DCAF4: variants seen among roughly 807,000 people sequenced by gnomAD.
DCAF4 encodes DDB1 and CUL4 associated factor 4.
DCAF4 carries 37 observed loss-of-function variants against 60.9 expected under a neutral mutation model. The observed-to-expected ratio is 0.61, with a 90% CI of 0.47 to 0.80. The LOEUF (loss-of-function observed/expected upper bound fraction) is 0.80, where lower values mean the gene tolerates loss of function less well. DCAF4 is among the 30% of genes least tolerant of loss of function. The pLI is 0.00. For synonymous variants in DCAF4, 243 were observed against 254.8 expected, an observed-to-expected ratio of 0.95 and a Z score of 0.44; for missense variants, 577 against 650.0, an observed-to-expected ratio of 0.89 and a Z score of 1.22.
At chr14:72,953,430 C>T (rs897259336) in intron 9 of DCAF4, among the ~76,000 whole-genome samples, 2 of 151,588 alleles carry the variant, frequency 1.3e-5, no homozygotes, top group African/African-American at 4.8e-5. Flanking sequence ...AATATTTTTT[C>T]GAAGCACAGT....
intron 7 of DCAF4, among the ~76,000 whole-genome samples, chr14:72,946,869 C>T (rs931949325): frequency 6.6e-6 from 1 of 152,124 alleles, no homozygotes; most frequent in Non-Finnish European, 1.5e-5. Context: ...CTTCAGAGTT[C>T]GGCTTATCTC....
intron 7 of DCAF4, among the ~76,000 whole-genome samples, chr14:72,946,682 C>T (rs768708466): frequency 6.6e-6 from 1 of 152,126 alleles, no homozygotes; most frequent in East Asian, 1.9e-4. Context: ...CCAGCCAGGC[C>T]GCAGCCAGCA....
rs565229070 is a variant in DCAF4 at position 72,928,187 on chromosome 14, CTTT to C, written c.-9+1665_-9+1667del. Among the ~76,000 whole-genome samples, 48 of 67,274 alleles carry C rather than the reference CTTT, an allele frequency of 7.1e-4. 1 individual carries two copies. In the East Asian group the frequency reaches 0.014, roughly 20 times the overall value. 44.1% of individuals were successfully genotyped at this position (67,274 alleles called of 152,430 possible). On this transcript the variant is annotated intron_variant, in intron 1 of 13. Transcript: ENST00000358377. ...CCCGCTAGTCTACAGAATCCCCCCACTTTTTTTTTTTTTTTTTTTTTTTGATAC... is the reference window on the plus strand; with the variant it reads ...CCCGCTAGTCTACAGAATCCCCCCACTTTTTTTTTTTTTTTTTTTTGATAC...
At chr14:72,927,586 C>G (rs1177650520) in intron 1 of DCAF4, among the ~76,000 whole-genome samples, 2 of 151,944 alleles carry the variant, frequency 1.3e-5, no homozygotes, top group African/African-American at 2.4e-5. Flanking sequence ...CTCCTGACCT[C>G]GTGATCCGCC....
rs1214228252 is a variant in DCAF4, at chr14:72,959,414, T to C, written c.*609T>C. The C allele has an allele frequency of 2.0e-6, 2 of 985,362 alleles. No individual in the cohort carries two copies. Among genetic ancestry groups the C allele is most frequent in the Non-Finnish European group, 2.4e-6 (2 of 829,968 alleles). 61.0% of individuals were successfully genotyped at this position (985,362 alleles called of 1,614,324 possible). ...CGTTGGAAGGAAAGATGGATCTTCT[T>C]ACATGCTAGAAGTTTTAAACGGTCC... On this transcript the variant is annotated 3_prime_UTR_variant, in exon 14 of 14. Transcript: ENST00000358377.
intron 9 of DCAF4, among the ~76,000 whole-genome samples, chr14:72,953,738 T>A (rs1484925677): frequency 0.18 from 6,105 of 34,422 alleles, 1,692 homozygotes; most frequent in Non-Finnish European, 0.25. Flanking sequence ...AAAAAATATA[T>A]ATATATATAT....
In DCAF4 at chr14:72,941,725, C is replaced by A. The variant is rs748241590; in HGVS notation, c.352-20C>A. On this transcript the variant is annotated intron_variant, in intron 4 of 13. Coordinates refer to ENST00000358377, the MANE Select transcript of DCAF4 (RefSeq NM_015604.4). ...AAATAAATCTTCATTGAATTGTTCT[C>A]TTTTTTGTAATAAATATAGATTGCC... 7 of 1,607,950 alleles carry A rather than the reference C, an allele frequency of 4.4e-6. No homozygotes were observed. Among genetic ancestry groups the A allele is most frequent in the Non-Finnish European group, 6.0e-6 (7 of 1,175,366 alleles).
At chr14:72,940,607 T>TC (rs1889913394) in intron 4 of DCAF4, 1 of 445,206 alleles carries the variant, frequency 2.2e-6, no homozygotes, top group South Asian at 3.1e-5. Context: ...TTTTTTTTTT[T>TC]TGAGGCGGAA....
In DCAF4 at chr14:72,958,721, C is replaced by G. The variant is rs748557733; in HGVS notation, c.1404C>G (p.Phe468Leu). 6.2e-7 allele frequency: 1 copy of G among 1,613,784 alleles called. No homozygotes were observed. Among genetic ancestry groups the G allele is most frequent in the African/African-American group, 1.3e-5 (1 of 74,944 alleles). The change falls in exon 14 of 14, where the codon TTC becomes TTG. Residue 468 changes from phenylalanine (F) to leucine (L), a missense_variant. Transcript: ENST00000358377. ...ASKADIPSVA[F>L]SSRLGGSRGA... Reference sequence around the variant, plus strand: ...AGGCCGACATTCCCAGTGTGGCCTTCTCGTCGCGGCTGGGGGGCTCCCGGG... The same window carrying G: ...AGGCCGACATTCCCAGTGTGGCCTTGTCGTCGCGGCTGGGGGGCTCCCGGG...
At chr14:72,930,246 CT>C (rs57515626) in intron 1 of DCAF4, among the ~76,000 whole-genome samples, 11 of 147,406 alleles carry the variant, frequency 7.5e-5, no homozygotes, top group Admixed American at 2.0e-4. Context: ...GTAGCTTTTT[CT>C]TTTTTTTTTT....
chr14:72,957,605 C>T (rs968328958), intron 13 of DCAF4: 1 of 152,202 alleles, frequency 6.6e-6, no homozygotes, highest in African/African-American at 2.4e-5. Flanking sequence ...CTGTTTTTAT[C>T]ACAGAAGAGC....
intron 6 of DCAF4, among the ~76,000 whole-genome samples, chr14:72,943,554 C>T (rs1890329278): frequency 1.3e-5 from 2 of 152,122 alleles, no homozygotes; most frequent in Non-Finnish European, 2.9e-5. Context: ...TTCAGTGGCA[C>T]CTCCCATCAA....
chr14:72,949,714 G>A (rs1891176227), intron 8 of DCAF4, among the ~76,000 whole-genome samples: 2 of 150,780 alleles, frequency 1.3e-5, no homozygotes, highest in South Asian at 4.2e-4. Context: ...CCAAGATTGC[G>A]CCACTGCACT....
intron 1 of DCAF4, chr14:72,935,134 T>C (rs1252003253): frequency 2.0e-5 from 3 of 152,230 alleles, no homozygotes; most frequent in Non-Finnish European, 1.5e-5. Context: ...TGTTTGTGTT[T>C]AGAGAAGACA....
At chr14:72,941,594 G>C in intron 4 of DCAF4, 151 bp from the exon 5 acceptor site, 1 of 695,144 alleles carries the variant, frequency 1.4e-6, no homozygotes, top group Non-Finnish European at 2.4e-6. Context: ...AGGGAGACTT[G>C]GAAAGGACAC....
At chr14:72,929,718 T>C (rs1888268330) in intron 1 of DCAF4, 1 of 1,215,920 alleles carries the variant, frequency 8.2e-7, no homozygotes. Context: ...CTTGATGAAC[T>C]TGAGGGCCCA....
At chr14:72,945,037 T>C (rs1890542785) in intron 6 of DCAF4, among the ~76,000 whole-genome samples, 1 of 151,828 alleles carries the variant, frequency 6.6e-6, no homozygotes, top group African/African-American at 2.4e-5. Context: ...TTCAGCAAGC[T>C]GAGGTGGTGC....
intron 13 of DCAF4, 49 bp downstream of exon 13, chr14:72,956,549 C>T (rs1892327515): frequency 1.9e-6 from 3 of 1,538,594 alleles, no homozygotes; most frequent in Non-Finnish European, 2.7e-6. Context: ...TACTGTCTCT[C>T]AGGGGCGATC....
At position 72,955,547 on chromosome 14, in the gene DCAF4, C is replaced by T. The variant is rs1342535598; in HGVS notation, c.1030C>T (p.Arg344Cys). The change falls in exon 12 of 14, where the codon CGC (arginine) becomes TGC (cysteine). Residue 344 changes from arginine (R) to cysteine (C), a missense_variant. By Grantham distance (180) the Arg-to-Cys change is radical. Coordinates refer to ENST00000358377, the MANE Select transcript of DCAF4 (RefSeq NM_015604.4). ...LMAPLLFNGC[R>C]SGEIFAIDLR... is the part of the protein sequence containing the mutation. Reference sequence around the variant, plus strand: ...GGCTCCTCTGCTGTTTAATGGCTGCCGCTCTGGGGAAATCTTTGCCATTGA... The same window carrying T: ...GGCTCCTCTGCTGTTTAATGGCTGCTGCTCTGGGGAAATCTTTGCCATTGA... 14 of 1,614,004 alleles carry T rather than the reference C, an allele frequency of 8.7e-6. No individual in the cohort carries two copies. Among genetic ancestry groups the T allele is most frequent in the Admixed American group, 3.3e-5 (2 of 60,014 alleles).
Sources: allele counts gnomAD v4.1 joint callset (sites outside exome capture counted in the v4.1 genomes callset), GRCh38; gene constraint gnomAD v4.1.1; transcripts MANE v1.5; gene names NCBI Gene and HGNC (gene_info 2026-07-23, HGNC 2026-07-21).